PNLIP: variants seen among roughly 807,000 people sequenced by gnomAD.
The protein encoded by PNLIP is pancreatic triacylglycerol lipase.
In PNLIP, 49 loss-of-function variants were observed where a neutral mutation model predicts 57.1. The observed-to-expected ratio is 0.86, with a 90% CI of 0.68 to 1.09. The LOEUF (loss-of-function observed/expected upper bound fraction) is 1.09. Ranked by LOEUF, PNLIP falls within the 50% of genes least tolerant of loss-of-function variation. The probability of loss-of-function intolerance (pLI) is 0.00; values close to 1 mark genes in which losing one functional copy is unlikely to be tolerated. For synonymous variants in PNLIP, 209 were observed against 200.4 expected, an observed-to-expected ratio of 1.04 and a Z score of -0.36; for missense variants, 503 against 570.2, an observed-to-expected ratio of 0.88 and a Z score of 1.20.
chr10:116,566,253 A>T (rs1420011194), intron 12 of PNLIP, among the ~76,000 whole-genome samples: 1 of 152,250 alleles, frequency 6.6e-6, no homozygotes, highest in African/African-American at 2.4e-5. Flanking sequence ...CTAATGGTAC[A>T]CTCAACAATA....
intron 6 of PNLIP, 79 bp from the exon 7 acceptor site, chr10:116,555,099 C>A: frequency 6.7e-7 from 1 of 1,492,188 alleles, no homozygotes; most frequent in Non-Finnish European, 9.3e-7. Context: ...TCATCCCTTT[C>A]CATGCATAAC....
At position 116,547,343 on chromosome 10, in the gene PNLIP, A is replaced by C. The variant is rs76246039; in HGVS notation, c.96A>C (p.Pro32=). Reference sequence around the variant, plus strand: ...TCGGCTGCTTCAGTGATGACTCCCCATGGTCAGGAATTACGGAAAGACCCC... The same window carrying C: ...TCGGCTGCTTCAGTGATGACTCCCCCTGGTCAGGAATTACGGAAAGACCCC... ...ERLGCFSDDS[P]WSGITERPLH... The change falls in exon 3 of 13, where the codon CCA becomes CCC. Residue 32 remains proline (P), a synonymous_variant. Transcript: ENST00000369221. 2.3e-3 allele frequency: 3,698 copies of C among 1,614,094 alleles called. 60 individuals are homozygous for C. The African/African-American group carries it at 0.043, about 19-fold the overall frequency.
At chr10:116,560,619 C>A (rs1474148461) in intron 11 of PNLIP, 95 bp downstream of exon 11, 2 of 604,284 alleles carry the variant, frequency 3.3e-6, no homozygotes, top group Admixed American at 3.1e-5. Context: ...GCTCTGTCAC[C>A]CAGGCTGGAG....
intron 9 of PNLIP, 92 bp downstream of exon 9, chr10:116,556,210 T>A: frequency 1.4e-6 from 1 of 735,184 alleles, no homozygotes; most frequent in East Asian, 2.5e-5. Context: ...ATTCAATGAA[T>A]GTTTATACTT....
chr10:116,555,322 A>G, intron 7 of PNLIP, 25 bp downstream of exon 7: 1 of 1,614,036 alleles, frequency 6.2e-7, no homozygotes, highest in South Asian at 1.1e-5. Context: ...CCGTCCCCCA[A>G]AGGGTGTTAT....
chr10:116,550,679 C>T (rs926660406), intron 4 of PNLIP, among the ~76,000 whole-genome samples: 1 of 152,138 alleles, frequency 6.6e-6, no homozygotes, highest in Non-Finnish European at 1.5e-5. Context: ...TACTGTGTAC[C>T]AGAATCTGTT....
intron 12 of PNLIP, among the ~76,000 whole-genome samples, chr10:116,565,896 T>A (rs1159686326): frequency 6.6e-6 from 1 of 151,954 alleles, no homozygotes; most frequent in African/African-American, 2.4e-5. Flanking sequence ...TGAACCTCCA[T>A]CTCCTGGGTT....
chr10:116,564,133 C>T (rs1040311873), intron 12 of PNLIP, among the ~76,000 whole-genome samples: 1 of 152,028 alleles, frequency 6.6e-6, no homozygotes, highest in Non-Finnish European at 1.5e-5. Context: ...TCAAAATGCT[C>T]AAACCAGGTA....
chr10:116,561,373 G>T (rs920349100), intron 11 of PNLIP, 99 bp from the exon 12 acceptor site: 1 of 771,172 alleles, frequency 1.3e-6, no homozygotes, highest in Admixed American at 3.1e-5. Flanking sequence ...AAACATAAAT[G>T]TGTATGTATA....
In PNLIP at chr10:116,565,663, T is replaced by A. The variant is rs908441253; in HGVS notation, c.1335-2072T>A. Among the ~76,000 whole-genome samples the A allele has an allele frequency of 3.3e-5, 5 of 152,136 alleles. No homozygotes were observed. The East Asian group carries it at 9.7e-4, about 29-fold the overall frequency. ...TTAGTATAAGTGGGATTTCACCATG[T>A]TGGTCAGGCTAGTCTCAAACTGACC... On this transcript the variant is annotated intron_variant, in intron 12 of 12. Transcript: ENST00000369221.
At chr10:116,555,745 A>G (rs1847246493) in intron 8 of PNLIP, among the ~76,000 whole-genome samples, 1 of 152,206 alleles carries the variant, frequency 6.6e-6, no homozygotes, top group South Asian at 2.1e-4. Context: ...GCTTTTATTT[A>G]TTTAAACCAA....
At chr10:116,556,514 G>T (rs1355004438) in intron 9 of PNLIP, among the ~76,000 whole-genome samples, 1 of 152,038 alleles carries the variant, frequency 6.6e-6, no homozygotes, top group Non-Finnish European at 1.5e-5. Flanking sequence ...ACATTTCTGT[G>T]CAATTTCATA....
rs376332523 is a variant in PNLIP, at chr10:116,551,200, G to A, written c.427G>A (p.Ala143Thr). The change falls in exon 5 of 13, where the codon GCA becomes ACA. Residue 143 changes from alanine to threonine, a missense_variant. Physicochemically the swap from Ala to Thr is moderately conservative, Grantham distance 58. Transcript: ENST00000369221. ...CTCGCAGAACATCAGGATCGTGGGAGCAGAAGTGGCATATTTTGTTGAATT... is the reference window on the plus strand; with the variant it reads ...CTCGCAGAACATCAGGATCGTGGGAACAGAAGTGGCATATTTTGTTGAATT... ...QASQNIRIVG[A>T]EVAYFVEFLQ... is the part of the protein sequence containing the mutation. The A allele has an allele frequency of 1.2e-6, 2 of 1,610,666 alleles. No homozygotes were observed. Among genetic ancestry groups the A allele is most frequent in the Non-Finnish European group, 1.7e-6 (2 of 1,178,720 alleles).
At chr10:116,546,419 A>AAT (rs1325949754) in intron 2 of PNLIP, among the ~76,000 whole-genome samples, 1 of 152,218 alleles carries the variant, frequency 6.6e-6, no homozygotes, top group Non-Finnish European at 1.5e-5. Context: ...CTGAAATTCA[A>AAT]ATTTACTTGT....
rs112951970 is a variant in PNLIP at position 116,565,053 on chromosome 10, C to G, written c.1335-2682C>G. ...AGGCGGGTGGATCATGAGGTCAGAT[C>G]GAGACCATCATGGCTAACACGGTGA... On this transcript the variant is annotated intron_variant, in intron 12 of 12. Transcript: ENST00000369221. 9.6e-4 allele frequency among the ~76,000 whole-genome samples: 146 copies of G among 151,746 alleles called. 1 individual carries two copies. Among genetic ancestry groups the G allele is most frequent in the Admixed American group, 7.2e-3 (110 of 15,258 alleles).
intron 9 of PNLIP, among the ~76,000 whole-genome samples, chr10:116,556,505 C>T (rs1038538773): frequency 4.6e-5 from 7 of 152,230 alleles, no homozygotes; most frequent in African/African-American, 1.7e-4. Context: ...GACATGTGGA[C>T]ATTTCTGTGC....
At chr10:116,565,819 T>C (rs1589560520) in intron 12 of PNLIP, among the ~76,000 whole-genome samples, 1 of 145,414 alleles carries the variant, frequency 6.9e-6, no homozygotes, top group South Asian at 2.1e-4. Context: ...TTTATAGCAA[T>C]TTTTTTTTGA....
chr10:116,553,433 T>C (rs1564725172), intron 5 of PNLIP, among the ~76,000 whole-genome samples: 1 of 152,210 alleles, frequency 6.6e-6, no homozygotes. Flanking sequence ...ATTTTTGCTG[T>C]ATGTTTTTAG....
At chr10:116,546,188 G>A (rs373086000) in intron 2 of PNLIP, 50 bp downstream of exon 2, 26 of 1,498,418 alleles carry the variant, frequency 1.7e-5, no homozygotes, top group South Asian at 7.9e-5. Flanking sequence ...TTTTCAACAC[G>A]GTCAGGAGGG....
Sources: allele counts gnomAD v4.1 joint callset (sites outside exome capture counted in the v4.1 genomes callset), GRCh38; gene constraint gnomAD v4.1.1; transcripts MANE v1.5; gene names NCBI Gene and HGNC (gene_info 2026-07-23, HGNC 2026-07-21).